ITFG1: variants seen among roughly 807,000 people sequenced by gnomAD.
ITFG1 encodes the protein integrin alpha FG-GAP repeat containing 1, also known as T-cell immunomodulatory protein.
In ITFG1, 34 loss-of-function variants were observed where a neutral mutation model predicts 81.8. The ratio of observed to expected loss-of-function variants is 0.42; its 90% CI spans 0.32 to 0.55. The LOEUF (loss-of-function observed/expected upper bound fraction) is 0.55. Among genes scored for constraint, ITFG1 ranks in the 20% least tolerant of loss-of-function variants. The pLI, the probability that ITFG1 is intolerant of heterozygous loss-of-function variation, is 0.17. For synonymous variants in ITFG1, 285 were observed against 270.6 expected, an observed-to-expected ratio of 1.05 and a Z score of -0.52; for missense variants, 672 against 755.4, an observed-to-expected ratio of 0.89 and a Z score of 1.29.
chr16:47,323,934 C>G (rs1176610879), intron 8 of ITFG1, among the ~76,000 whole-genome samples: 2 of 152,026 alleles, frequency 1.3e-5, no homozygotes, highest in Non-Finnish European at 2.9e-5. Flanking sequence ...ATGATTAAAC[C>G]CTAAAACTCT....
chr16:47,282,865 G>T (rs1966464713), intron 10 of ITFG1, among the ~76,000 whole-genome samples: 2 of 152,050 alleles, frequency 1.3e-5, no homozygotes, highest in South Asian at 2.1e-4. Context: ...TTTCATGCTT[G>T]TCAGTCACTT....
rs192790377 is a variant in ITFG1, at chr16:47,402,477, C to G, written c.655+26327G>C. Among the ~76,000 whole-genome samples, 315 of 152,288 alleles carry G rather than the reference C, an allele frequency of 2.1e-3. 1 individual carries two copies. Among genetic ancestry groups the G allele is most frequent in the Non-Finnish European group, 3.7e-3 (249 of 68,008 alleles). ...AAAAGGGACTTGCCCAAAATCAAGG[C>G]TGTGGGGAGAACCTAAACTGTGCCC... On this transcript the variant is annotated intron_variant, in intron 6 of 17. Transcript: ENST00000320640.
At chr16:47,220,072 T>C (rs1430754164) in intron 13 of ITFG1, among the ~76,000 whole-genome samples, 1 of 152,228 alleles carries the variant, frequency 6.6e-6, no homozygotes, top group African/African-American at 2.4e-5. Context: ...TTTTCTTTCC[T>C]ATCTGTATTC....
At chr16:47,376,980 A>AAAAAAAAAAAAAAAAAAAAAAAAAAAAT (rs1567479313) in intron 6 of ITFG1, among the ~76,000 whole-genome samples, 7 of 150,076 alleles carry the variant, frequency 4.7e-5, no homozygotes, top group African/African-American at 1.7e-4. Flanking sequence ...AAAAAAAAAA[A>AAAAAAAAAAAAAAAAAAAAAAAAAAAAT]AAAAAAAAAA....
At chr16:47,443,837 T>C (rs148990719) in intron 5 of ITFG1, among the ~76,000 whole-genome samples, 1 of 152,140 alleles carries the variant, frequency 6.6e-6, no homozygotes, top group Non-Finnish European at 1.5e-5. Flanking sequence ...ACATGGCACA[T>C]GTATACATAT....
At chr16:47,437,247 C>T in intron 5 of ITFG1, among the ~76,000 whole-genome samples, 1 of 152,134 alleles carries the variant, frequency 6.6e-6, no homozygotes. Context: ...GGGAGGATTA[C>T]TTGAGCCTAG....
At chr16:47,407,936 G>A (rs1968750228) in intron 6 of ITFG1, among the ~76,000 whole-genome samples, 2 of 149,882 alleles carry the variant, frequency 1.3e-5, no homozygotes, top group Admixed American at 6.6e-5. Flanking sequence ...CACCAAGAGT[G>A]TGCAAAGAAA....
At chr16:47,337,870 C>T (rs989716459) in intron 8 of ITFG1, among the ~76,000 whole-genome samples, 3 of 152,196 alleles carry the variant, frequency 2.0e-5, no homozygotes, top group East Asian at 1.9e-4. Context: ...AGACTCTGTG[C>T]GAGCCCCAGT....
At chr16:47,440,809 T>A (rs1969238123) in intron 5 of ITFG1, among the ~76,000 whole-genome samples, 1 of 152,012 alleles carries the variant, frequency 6.6e-6, no homozygotes, top group Non-Finnish European at 1.5e-5. Flanking sequence ...ATTCAAAAGC[T>A]AGCAGAAGGC....
chr16:47,253,846 C>T (rs987174971), intron 12 of ITFG1, among the ~76,000 whole-genome samples: 25 of 152,074 alleles, frequency 1.6e-4, no homozygotes, highest in African/African-American at 5.8e-4. Flanking sequence ...TCCTGTCGTG[C>T]GGCCTGGTTC....
chr16:47,181,032 G>A (rs192934505), intron 14 of ITFG1, among the ~76,000 whole-genome samples: 86 of 150,490 alleles, frequency 5.7e-4, no homozygotes, highest in African/African-American at 1.9e-3. Flanking sequence ...CTGCCCGGCC[G>A]CCATACCATC....
chr16:47,408,791 T>A (rs994217177), intron 6 of ITFG1, among the ~76,000 whole-genome samples: 1 of 152,228 alleles, frequency 6.6e-6, no homozygotes, highest in Non-Finnish European at 1.5e-5. Context: ...CAAAGGTAAC[T>A]GCGTAGGGCA....
chr16:47,167,821 C>G (rs1287224902), intron 14 of ITFG1, among the ~76,000 whole-genome samples: 2 of 152,150 alleles, frequency 1.3e-5, no homozygotes, highest in Middle Eastern at 3.2e-3. Flanking sequence ...ATCCATCCAG[C>G]TGTTGATGGC....
At chr16:47,271,784 G>A (rs937016352) in intron 10 of ITFG1, among the ~76,000 whole-genome samples, 8 of 152,162 alleles carry the variant, frequency 5.3e-5, no homozygotes, top group East Asian at 1.9e-4. Context: ...GTGTGAACCC[G>A]GGAGGCAGAG....
chr16:47,243,144 T>C (rs914946714), intron 12 of ITFG1, among the ~76,000 whole-genome samples: 75 of 152,318 alleles, frequency 4.9e-4, no homozygotes, highest in African/African-American at 1.7e-3. Flanking sequence ...CATTAAATTA[T>C]GTTGTAACCA....
At chr16:47,444,889 G>T (rs536092418) in intron 5 of ITFG1, among the ~76,000 whole-genome samples, 1 of 152,054 alleles carries the variant, frequency 6.6e-6, no homozygotes, top group Admixed American at 6.6e-5. Flanking sequence ...TTTGGAAATT[G>T]GTTTTTCTTA....
Position 47,217,430 on chromosome 16 carries a change from T to C in ITFG1, c.1453+1438A>G, listed in dbSNP as rs114697922. On this transcript the variant is annotated intron_variant, in intron 14 of 17. Transcript: ENST00000320640. ...TAAATAACTTCATCTTGTCATCCTG[T>C]ATTCTGGAACATCTTACCTAGCACT... Among the ~76,000 whole-genome samples, 1,048 of 152,338 alleles carry C rather than the reference T, an allele frequency of 6.9e-3. 12 individuals are homozygous for C. Among genetic ancestry groups the C allele is most frequent in the African/African-American group, 0.024 (1,004 of 41,574 alleles).
intron 6 of ITFG1, among the ~76,000 whole-genome samples, chr16:47,424,365 T>C (rs1169180228): frequency 6.6e-6 from 1 of 152,194 alleles, no homozygotes; most frequent in African/African-American, 2.4e-5. Context: ...TTCCTTGCGA[T>C]GGGTTAGAAC....
At chr16:47,420,245 T>A (rs867523832) in intron 6 of ITFG1, among the ~76,000 whole-genome samples, 3 of 152,342 alleles carry the variant, frequency 2.0e-5, no homozygotes, top group Middle Eastern at 3.4e-3. Flanking sequence ...TGATTTTTTT[T>A]ATGTGGCCTA....
Sources: allele counts gnomAD v4.1 joint callset (sites outside exome capture counted in the v4.1 genomes callset), GRCh38; gene constraint gnomAD v4.1.1; transcripts MANE v1.5; gene names NCBI Gene and HGNC (gene_info 2026-07-23, HGNC 2026-07-21).